Variants in HORMAD2 observed in about 807,000 individuals in gnomAD.
HORMAD2 encodes HORMA domain-containing protein 2.
Under a neutral mutation model 38.8 loss-of-function variants are expected in HORMAD2, and 45 were observed. The observed-to-expected ratio is 1.16, with a 90% CI of 0.91 to 1.49. HORMAD2 has a LOEUF of 1.49. Among genes scored for constraint, HORMAD2 ranks in the 40% most tolerant of loss-of-function variants. The pLI, the probability that HORMAD2 is intolerant of heterozygous loss-of-function variation, is 0.00. For missense variants in HORMAD2, 338 were observed against 367.0 expected, an observed-to-expected ratio of 0.92 and a Z score of 0.65; for synonymous variants, 126 against 122.8, an observed-to-expected ratio of 1.03 and a Z score of -0.17.
chr22:30,192,214 T>C, the HORMAD2 span: 1 of 152,376 alleles, frequency 6.6e-6, no homozygotes, highest in South Asian at 2.1e-4. Context: ...GCCCATCTGA[T>C]GCAGCAGCAA....
intron 10 of HORMAD2, among the ~76,000 whole-genome samples, chr22:30,130,046 A>T (rs1923167185): frequency 6.6e-6 from 1 of 152,152 alleles, no homozygotes; most frequent in Admixed American, 6.5e-5. Context: ...AATAATTTGT[A>T]ATTTAAATTT....
chr22:30,206,557 A>T, the HORMAD2 span, among the ~76,000 whole-genome samples: 1 of 152,108 alleles, frequency 6.6e-6, no homozygotes. Flanking sequence ...ACCATAGCTC[A>T]CTGTAGCCTC....
At chr22:30,088,991 G>C (rs993372636) in intron 1 of HORMAD2, among the ~76,000 whole-genome samples, 1 of 152,150 alleles carries the variant, frequency 6.6e-6, no homozygotes, top group Non-Finnish European at 1.5e-5. Context: ...ATCTTTAAGG[G>C]TTAAAGAACT....
At chr22:30,155,689 T>C (rs1393277824) in intron 10 of HORMAD2, among the ~76,000 whole-genome samples, 1 of 152,168 alleles carries the variant, frequency 6.6e-6, no homozygotes, top group Non-Finnish European at 1.5e-5. Context: ...TATTTATGTA[T>C]CTATATGAAA....
At chr22:30,183,351 G>A in the HORMAD2 span, among the ~76,000 whole-genome samples, 25 of 152,050 alleles carry the variant, frequency 1.6e-4, no homozygotes, top group Non-Finnish European at 3.2e-4. Flanking sequence ...TCCCTTTGCC[G>A]CCAGCCCACC....
the HORMAD2 span, among the ~76,000 whole-genome samples, chr22:30,186,358 C>CT: frequency 7.8e-3 from 1,040 of 132,920 alleles, 8 homozygotes; most frequent in African/African-American, 0.019. Context: ...TCCTTCTGTC[C>CT]TTTTTTTTTT....
At chr22:30,192,676 G>A in the HORMAD2 span, among the ~76,000 whole-genome samples, 395 of 152,260 alleles carry the variant, frequency 2.6e-3, no homozygotes, top group African/African-American at 9.1e-3. Flanking sequence ...GTGATTGGCT[G>A]GAATTTGGTC....
chr22:30,205,486 C>T, the HORMAD2 span, among the ~76,000 whole-genome samples: 2 of 152,136 alleles, frequency 1.3e-5, no homozygotes, highest in Admixed American at 6.5e-5. Flanking sequence ...CCCAAGGTCA[C>T]GTTGTGTCCC....
At chr22:30,139,286 A>ATATATATATATATATC (rs1491312488) in intron 10 of HORMAD2, among the ~76,000 whole-genome samples, 2 of 130,540 alleles carry the variant, frequency 1.5e-5, no homozygotes, top group Admixed American at 7.8e-5. Context: ...ATATATATAT[A>ATATATATATATATATC]TCCTCTGTCT....
chr22:30,164,570 T>A (rs1342155621), intron 10 of HORMAD2, among the ~76,000 whole-genome samples: 1 of 152,256 alleles, frequency 6.6e-6, no homozygotes, highest in Non-Finnish European at 1.5e-5. Flanking sequence ...CATCTTTTCA[T>A]GTGCTTATTG....
chr22:30,091,070 C>T (rs2068108954), intron 1 of HORMAD2, among the ~76,000 whole-genome samples: 1 of 152,140 alleles, frequency 6.6e-6, no homozygotes, highest in African/African-American at 2.4e-5. Flanking sequence ...TGAGTGAGAA[C>T]ACATGGTATT....
intron 1 of HORMAD2, among the ~76,000 whole-genome samples, chr22:30,092,507 T>C (rs1236932888): frequency 3.3e-5 from 5 of 152,188 alleles, no homozygotes; most frequent in Non-Finnish European, 7.4e-5. Flanking sequence ...CTTTTTAGTT[T>C]GATATAATAT....
In HORMAD2 at chr22:30,150,557, T is replaced by C. The variant is rs140928724; in HGVS notation, c.820-25506T>C. ...TCAGATGACTGGCAGACCTTGGTTGTCTGCTCACATTAAAGAGTGGGGGAA... is the reference window on the plus strand; with the variant it reads ...TCAGATGACTGGCAGACCTTGGTTGCCTGCTCACATTAAAGAGTGGGGGAA... On this transcript the variant is annotated intron_variant, in intron 10 of 10. Transcript: ENST00000336726. Among the ~76,000 whole-genome samples the C allele has an allele frequency of 3.4e-3, 512 of 152,362 alleles. 10 individuals carry two copies. The highest frequency in any genetic ancestry group is 0.012 in the African/African-American group (494 of 41,584).
intron 10 of HORMAD2, among the ~76,000 whole-genome samples, chr22:30,146,389 G>C (rs1314202916): frequency 6.6e-6 from 1 of 152,150 alleles, no homozygotes; most frequent in Non-Finnish European, 1.5e-5. Flanking sequence ...CAGCTGCTTG[G>C]GAGGCTGAGG....
chr22:30,093,972 C>T lies in HORMAD2; in HGVS notation c.20C>T (p.Ser7Phe), dbSNP rs2068737671. 6.2e-7 allele frequency: 1 copy of T among 1,608,112 alleles called. No individual in the cohort carries two copies. Among genetic ancestry groups the T allele is most frequent in the African/African-American group, 1.3e-5 (1 of 74,894 alleles). ...CCTACAATGGCCACTGCTCAGCTTT[C>T]TCACTGCATCACAATACACAAGGCT... The part of the protein sequence containing the change: MATAQL[S>F]HCITIHKASK... The change falls in exon 2 of 11, where the codon TCT becomes TTT. Residue 7 changes from serine (S) to phenylalanine (F), a missense_variant. By Grantham distance (155) the Ser-to-Phe change is radical. Transcript: ENST00000336726.
chr22:30,126,469 G>A (rs1000146106), intron 10 of HORMAD2, among the ~76,000 whole-genome samples: 3 of 152,062 alleles, frequency 2.0e-5, no homozygotes, highest in Admixed American at 6.6e-5. Context: ...GCAGGGCCGA[G>A]TATGGACCAT....
intron 2 of HORMAD2, among the ~76,000 whole-genome samples, chr22:30,096,460 G>A (rs935632787): frequency 2.6e-5 from 4 of 151,482 alleles, no homozygotes; most frequent in Admixed American, 2.6e-4. Flanking sequence ...TTTGGTGGGT[G>A]TGTAGTATTC....
intron 10 of HORMAD2, among the ~76,000 whole-genome samples, chr22:30,123,725 G>A (rs1191997712): frequency 6.6e-6 from 1 of 151,718 alleles, no homozygotes; most frequent in African/African-American, 2.4e-5. Context: ...GTGCTGGAGT[G>A]CAGTAGTTGA....
intron 5 of HORMAD2, among the ~76,000 whole-genome samples, chr22:30,109,098 C>T (rs1465573187): frequency 4.7e-5 from 7 of 150,478 alleles, no homozygotes; most frequent in Admixed American, 4.6e-4. Flanking sequence ...GGTCTTGGCT[C>T]ACTGCAACCT....
Sources: gnomAD v4.1 joint callset for allele counts (sites outside exome capture counted in the v4.1 genomes callset) on GRCh38, gnomAD v4.1.1 for gene constraint, MANE v1.5 for transcripts, NCBI Gene and HGNC (gene_info 2026-07-23, HGNC 2026-07-21) for gene names.